The following MAD1L1 variants were observed in gnomAD, a reference collection of about 807,000 sequenced individuals.
MAD1L1 encodes the protein mitotic spindle assembly checkpoint protein MAD1.
MAD1L1 carries 95 observed loss-of-function variants against 96.9 expected under a neutral mutation model. The observed-to-expected ratio is 0.98, with a 90% CI of 0.83 to 1.16. The LOEUF is 1.16. Among genes scored for constraint, MAD1L1 ranks in the 50% most tolerant of loss-of-function variants. The pLI, the probability that MAD1L1 is intolerant of heterozygous loss-of-function variation, is 0.00. For synonymous variants in MAD1L1, 473 were observed against 396.6 expected, an observed-to-expected ratio of 1.19 and a Z score of -2.29; for missense variants, 1,007 against 954.4, an observed-to-expected ratio of 1.06 and a Z score of -0.73.
At chr7:1,833,811 C>T (rs1157562658) in intron 18 of MAD1L1, among the ~76,000 whole-genome samples, 2 of 152,216 alleles carry the variant, frequency 1.3e-5, no homozygotes, top group African/African-American at 4.8e-5. Context: ...CGTGGTGGCA[C>T]GTGCCTGTAA....
chr7:2,031,473 G>T (rs1363544337), intron 12 of MAD1L1, among the ~76,000 whole-genome samples: 1 of 152,204 alleles, frequency 6.6e-6, no homozygotes, highest in African/African-American at 2.4e-5. Flanking sequence ...ATGATTTCCC[G>T]AGGCAATTTT....
intron 18 of MAD1L1, among the ~76,000 whole-genome samples, chr7:1,895,681 G>A (rs1008214927): frequency 6.6e-6 from 1 of 152,254 alleles, no homozygotes; most frequent in African/African-American, 2.4e-5. Context: ...GTGGGGAGCG[G>A]GGCCTCTGCG....
chr7:1,985,741 C>T (rs958760808), intron 14 of MAD1L1, among the ~76,000 whole-genome samples: 20 of 151,914 alleles, frequency 1.3e-4, no homozygotes, highest in Non-Finnish European at 2.1e-4. Flanking sequence ...AGGTAGTTTT[C>T]CCCGTGATTC....
intron 17 of MAD1L1, among the ~76,000 whole-genome samples, chr7:1,931,842 C>G (rs1208854121): frequency 6.6e-6 from 1 of 152,234 alleles, no homozygotes; most frequent in Non-Finnish European, 1.5e-5. Context: ...GTCCTGCTTC[C>G]CACGCACTCA....
intron 18 of MAD1L1, among the ~76,000 whole-genome samples, chr7:1,888,342 C>G (rs1357228618): frequency 7.1e-6 from 1 of 141,728 alleles, no homozygotes; most frequent in Admixed American, 7.2e-5. Flanking sequence ...GTGCGGCTGC[C>G]TGTGCATGTG....
intron 18 of MAD1L1, chr7:1,846,475 G>T (rs1005388590): frequency 1.3e-5 from 2 of 153,186 alleles, no homozygotes; most frequent in Non-Finnish European, 2.9e-5. Flanking sequence ...GATGCCAAGG[G>T]TCACTCGTGC....
chr7:2,076,740 G>A (rs1250377627), intron 11 of MAD1L1, among the ~76,000 whole-genome samples: 1 of 152,118 alleles, frequency 6.6e-6, no homozygotes, highest in Non-Finnish European at 1.5e-5. Context: ...TTACGACTTG[G>A]TGAGCCCGCA....
intron 4 of MAD1L1, chr7:2,223,526 G>C (rs1269715898): frequency 6.6e-6 from 1 of 152,268 alleles, no homozygotes; most frequent in Non-Finnish European, 1.5e-5. Context: ...AGCACTCCCG[G>C]AGCCCCGGGT....
chr7:2,133,000 C>G (rs1019706128), intron 11 of MAD1L1, among the ~76,000 whole-genome samples: 13 of 152,382 alleles, frequency 8.5e-5, no homozygotes, highest in South Asian at 8.3e-4. Flanking sequence ...CTGCTCTCCC[C>G]CTTCCTGCGT....
At chr7:2,069,049 A>G in intron 12 of MAD1L1, 145 bp downstream of exon 12, 2 of 1,097,988 alleles carry the variant, frequency 1.8e-6, no homozygotes, top group Non-Finnish European at 1.2e-6. Flanking sequence ...TGGCATTCCC[A>G]GAACCCTCCT....
chr7:1,947,871 CG>C (rs1583884808), intron 16 of MAD1L1, among the ~76,000 whole-genome samples: 1 of 152,200 alleles, frequency 6.6e-6, no homozygotes, highest in African/African-American at 2.4e-5. Flanking sequence ...GAGGGGCCTG[CG>C]GGGCCGTGTC....
chr7:1,917,510 C>T (rs896027106), intron 17 of MAD1L1, among the ~76,000 whole-genome samples: 1 of 152,232 alleles, frequency 6.6e-6, no homozygotes, highest in South Asian at 2.1e-4. Context: ...TCAGGGGAAG[C>T]GCCTGTTGGA....
At chr7:1,854,362 C>CCCTGT in intron 18 of MAD1L1, 1 of 473,536 alleles carries the variant, frequency 2.1e-6, no homozygotes, top group South Asian at 1.5e-5. Flanking sequence ...GGGGAACCTA[C>CCCTGT]CCTGTGGAAG....
chr7:2,209,108 C>T (rs531730026), intron 10 of MAD1L1, among the ~76,000 whole-genome samples: 56 of 152,314 alleles, frequency 3.7e-4, no homozygotes, highest in Non-Finnish European at 4.9e-4. Context: ...CCCCAGCCTG[C>T]GTGAACCCGT....
rs2128638669 is a variant in MAD1L1, at chr7:1,848,710, A to G, written c.1999-32482T>C. The G allele has an allele frequency of 1.9e-5, 3 of 154,502 alleles. No homozygotes were observed. The Middle Eastern group carries it at 1.6e-3, about 80-fold the overall frequency. The allele number at this position is 154,502 out of a possible 1,614,324, so 9.6% of individuals were successfully genotyped here. Reference sequence around the variant, plus strand: ...GAGCTCTGTCTGACCTGCTCTGGAAAACAACTGGTCCAGAGAAGGACGAAG... The same window carrying G: ...GAGCTCTGTCTGACCTGCTCTGGAAGACAACTGGTCCAGAGAAGGACGAAG... On this transcript the variant is annotated intron_variant, in intron 18 of 18. Coordinates refer to ENST00000265854, the MANE Select transcript of MAD1L1 (RefSeq NM_001013836.2).
intron 11 of MAD1L1, among the ~76,000 whole-genome samples, chr7:2,121,711 G>A (rs186844707): frequency 1.8e-4 from 27 of 152,142 alleles, no homozygotes; most frequent in Non-Finnish European, 2.9e-4. Context: ...AGGAGTCCTC[G>A]AGGGTTGGGT....
intron 17 of MAD1L1, among the ~76,000 whole-genome samples, chr7:1,906,741 C>T (rs577778353): frequency 6.6e-5 from 10 of 152,330 alleles, no homozygotes; most frequent in Admixed American, 1.3e-4. Context: ...TGGAAGTGCG[C>T]GACGGGTGCG....
chr7:1,927,298 G>A (rs1386817095), intron 17 of MAD1L1, among the ~76,000 whole-genome samples: 1 of 152,234 alleles, frequency 6.6e-6, no homozygotes, highest in African/African-American at 2.4e-5. Flanking sequence ...CAACCAAGAT[G>A]TAGATGCTCC....
intron 12 of MAD1L1, among the ~76,000 whole-genome samples, chr7:2,017,625 C>T (rs1024363727): frequency 1.9e-4 from 29 of 152,228 alleles, no homozygotes; most frequent in African/African-American, 7.0e-4. Flanking sequence ...AAGGGCACTC[C>T]AATCAGAGGG....
Sources: allele counts gnomAD v4.1 joint callset (sites outside exome capture counted in the v4.1 genomes callset), GRCh38; gene constraint gnomAD v4.1.1; transcripts MANE v1.5; gene names NCBI Gene and HGNC (gene_info 2026-07-23, HGNC 2026-07-21).